The following CACHD1 variants were observed in gnomAD, a reference collection of about 807,000 sequenced individuals.
CACHD1 encodes the protein cache domain containing 1.
A neutral mutation model predicts 138.7 loss-of-function variants in CACHD1; 71 were observed. The observed-to-expected ratio is 0.51, with a 90% CI of 0.42 to 0.62. The LOEUF is 0.62. CACHD1 is among the 20% of genes least tolerant of loss of function. The pLI, the probability that CACHD1 is intolerant of heterozygous loss-of-function variation, is 0.00. For missense variants in CACHD1, 1,389 were observed against 1,625.3 expected (o/e 0.85, Z 2.50); for synonymous variants, 578 against 591.5 (o/e 0.98, Z 0.33).
At chr1:64,689,206 G>A (rs970794485) in intron 26 of CACHD1, among the ~76,000 whole-genome samples, 11 of 152,302 alleles carry the variant, frequency 7.2e-5, no homozygotes, top group Middle Eastern at 6.8e-3. Flanking sequence ...CCCTGAATTT[G>A]CAGATGACAC....
chr1:64,665,303 T>A (rs2100705740), intron 15 of CACHD1, among the ~76,000 whole-genome samples: 1 of 150,400 alleles, frequency 6.6e-6, no homozygotes, highest in Middle Eastern at 3.4e-3. Context: ...AAAAAAAAAA[T>A]ACAAAAATTA....
chr1:64,502,346 A>G (rs979980177), intron 1 of CACHD1, among the ~76,000 whole-genome samples: 1 of 152,140 alleles, frequency 6.6e-6, no homozygotes, highest in Non-Finnish European at 1.5e-5. Flanking sequence ...CATATTAAAC[A>G]CTGGTTGAGT....
chr1:64,628,983 A>G (rs911324174), intron 4 of CACHD1, among the ~76,000 whole-genome samples: 1 of 152,184 alleles, frequency 6.6e-6, no homozygotes, highest in African/African-American at 2.4e-5. Flanking sequence ...CAGCCTATTA[A>G]CATCACTGTT....
At chr1:64,691,157 T>A (rs573385701) in intron 26 of CACHD1, among the ~76,000 whole-genome samples, 166 bp from the exon 27 acceptor site, 1 of 152,282 alleles carries the variant, frequency 6.6e-6, no homozygotes, top group African/African-American at 2.4e-5. Context: ...TATCACTAAA[T>A]CTCTTTAAAA....
At chr1:64,625,658 A>G (rs1016596695) in intron 4 of CACHD1, among the ~76,000 whole-genome samples, 3 of 151,926 alleles carry the variant, frequency 2.0e-5, no homozygotes, top group African/African-American at 7.2e-5. Context: ...GAAATTACCT[A>G]ATGGGTATAA....
At chr1:64,650,761 T>C (rs930767927) in intron 9 of CACHD1, among the ~76,000 whole-genome samples, 9 of 152,322 alleles carry the variant, frequency 5.9e-5, no homozygotes, top group African/African-American at 2.2e-4. Flanking sequence ...AGAATGGCTT[T>C]CTGATAGGCT....
At chr1:64,659,727 A>G (rs139727677) in intron 13 of CACHD1, among the ~76,000 whole-genome samples, 1 of 152,352 alleles carries the variant, frequency 6.6e-6, no homozygotes, top group African/African-American at 2.4e-5. Context: ...GTATACTGAC[A>G]GTACAGTAAA....
chr1:64,659,758 T>C (rs1011234884), intron 13 of CACHD1, among the ~76,000 whole-genome samples: 29 of 152,340 alleles, frequency 1.9e-4, no homozygotes, highest in African/African-American at 6.7e-4. Flanking sequence ...TCTTTTTCAC[T>C]GTTGAAAAGA....
At chr1:64,684,655 A>G (rs1258770241) in intron 26 of CACHD1, among the ~76,000 whole-genome samples, 6 of 152,192 alleles carry the variant, frequency 3.9e-5, no homozygotes, top group African/African-American at 9.6e-5. Flanking sequence ...GCCTAAATAT[A>G]TAGTGTTTAT....
At chr1:64,594,316 T>C (rs1647132939) in intron 3 of CACHD1, among the ~76,000 whole-genome samples, 1 of 152,004 alleles carries the variant, frequency 6.6e-6, no homozygotes, top group South Asian at 2.1e-4. Context: ...GGTTTGGAAT[T>C]TAGGTTTTCT....
At chr1:64,500,618 C>G (rs571086514) in intron 1 of CACHD1, among the ~76,000 whole-genome samples, 1 of 151,028 alleles carries the variant, frequency 6.6e-6, no homozygotes, top group Admixed American at 6.6e-5. Context: ...TTGAAGAAGT[C>G]GAGGCGGGAG....
At chr1:64,550,965 A>G (rs1427896043) in intron 2 of CACHD1, among the ~76,000 whole-genome samples, 1 of 152,226 alleles carries the variant, frequency 6.6e-6, no homozygotes, top group East Asian at 1.9e-4. Context: ...GTAGAAAATA[A>G]GTGTCCAGGC....
At chr1:64,547,206 A>C (rs746545669) in intron 1 of CACHD1, among the ~76,000 whole-genome samples, 2 of 152,190 alleles carry the variant, frequency 1.3e-5, no homozygotes, top group African/African-American at 4.8e-5. Flanking sequence ...ATTTATGTGA[A>C]ATTGTAAAGT....
chr1:64,572,153 T>C (rs1427925311), intron 2 of CACHD1, among the ~76,000 whole-genome samples: 1 of 152,198 alleles, frequency 6.6e-6, no homozygotes, highest in Non-Finnish European at 1.5e-5. Context: ...GTGATTAATA[T>C]TCTACACAAA....
intron 7 of CACHD1, among the ~76,000 whole-genome samples, chr1:64,638,413 A>T (rs926179275): frequency 1.3e-5 from 2 of 152,244 alleles, no homozygotes. Flanking sequence ...GCTACATGTC[A>T]TAAATCATTG....
chr1:64,586,312 C>A (rs1463173163), intron 3 of CACHD1, among the ~76,000 whole-genome samples: 1 of 152,332 alleles, frequency 6.6e-6, no homozygotes, highest in Admixed American at 6.5e-5. Flanking sequence ...GATCCACCCA[C>A]CTTGGCCTCC....
intron 4 of CACHD1, among the ~76,000 whole-genome samples, chr1:64,611,068 C>T (rs2100595891): frequency 6.6e-6 from 1 of 152,330 alleles, no homozygotes; most frequent in East Asian, 1.9e-4. Context: ...GCCTTGGCCC[C>T]TTTTAGCCAT....
chr1:64,607,010 G>A (rs527305755), intron 4 of CACHD1, among the ~76,000 whole-genome samples: 1 of 152,272 alleles, frequency 6.6e-6, no homozygotes, highest in South Asian at 2.1e-4. Context: ...TAAGTAGAAG[G>A]GCCTCATAAG....
intron 26 of CACHD1, among the ~76,000 whole-genome samples, chr1:64,686,966 A>G (rs908099497): frequency 6.6e-6 from 1 of 152,198 alleles, no homozygotes; most frequent in Non-Finnish European, 1.5e-5. Flanking sequence ...CACACCCCTT[A>G]TAATCAAACA....
Sources: gnomAD v4.1 joint callset for allele counts (sites outside exome capture counted in the v4.1 genomes callset) on GRCh38, gnomAD v4.1.1 for gene constraint, MANE v1.5 for transcripts, NCBI Gene and HGNC (gene_info 2026-07-23, HGNC 2026-07-21) for gene names.